VGLL3: variants seen among roughly 807,000 people sequenced by gnomAD.
VGLL3 encodes vestigial like family member 3, also known as transcription cofactor vestigial-like protein 3.
Under a neutral mutation model 29.2 loss-of-function variants are expected in VGLL3, and 18 were observed. The ratio of observed to expected loss-of-function variants is 0.62; its 90% CI spans 0.43 to 0.91. The LOEUF is 0.91. VGLL3 is among the 40% of genes least tolerant of loss of function. VGLL3 has a pLI of 0.00. For missense variants in VGLL3, 440 were observed against 413.2 expected (o/e 1.06, Z -0.56); for synonymous variants, 180 against 151.8 (o/e 1.19, Z -1.36).
At chr3:86,970,809 G>GC (rs531735380) in intron 2 of VGLL3, among the ~76,000 whole-genome samples, 3 of 152,130 alleles carry the variant, frequency 2.0e-5, no homozygotes, top group Non-Finnish European at 4.4e-5. Flanking sequence ...AGACCAAGGA[G>GC]CCCAGCTCTG....
chr3:86,962,306 G>A, intron 3 of VGLL3: 1 of 985,436 alleles, frequency 1.0e-6, no homozygotes, highest in Non-Finnish European at 1.2e-6. Context: ...GCAACACCAA[G>A]ACAGAGGTTA....
chr3:86,960,202 T>A (rs940282738), intron 3 of VGLL3, among the ~76,000 whole-genome samples: 4 of 152,146 alleles, frequency 2.6e-5, no homozygotes, highest in African/African-American at 9.7e-5. Context: ...TAAAATATAA[T>A]TTTTGTCACT....
intron 1 of VGLL3, among the ~76,000 whole-genome samples, chr3:86,986,754 C>T (rs1304446393): frequency 6.6e-6 from 1 of 152,150 alleles, no homozygotes; most frequent in African/African-American, 2.4e-5. Context: ...GCTAATACCA[C>T]TTCCTGTATT....
At chr3:86,988,623 C>A (rs1211455571) in intron 1 of VGLL3, among the ~76,000 whole-genome samples, 1 of 56,724 alleles carries the variant, frequency 1.8e-5, no homozygotes, top group African/African-American at 6.6e-5. Context: ...TATGGTCAAA[C>A]AGTTTCTTTA....
Position 86,968,940 on chromosome 3 carries a change from C to G in VGLL3, c.587G>C (p.Gly196Ala), listed in dbSNP as rs1206672174. The change falls in exon 3 of 4, where the codon GGC becomes GCC. Residue 196 changes from glycine (G) to alanine (A), a missense_variant. Physicochemically the swap from Gly to Ala is moderately conservative, Grantham distance 60 (BLOSUM62 0). Coordinates refer to ENST00000398399, the MANE Select transcript of VGLL3 (RefSeq NM_016206.4). ...PWPGHNLHQT[G>A]PAPPPAVSES... ...AGACACAGCAGGGGGAGGGGCTGGG[C>G]CAGTCTGATGCAGGTTGTGTCCCGG... 1.9e-6 allele frequency: 3 copies of G among 1,613,918 alleles called. No individual in the cohort carries two copies. The highest frequency in any genetic ancestry group is 1.7e-6 in the Non-Finnish European group (2 of 1,180,022).
At chr3:86,953,518 A>G (rs555300833) in intron 3 of VGLL3, among the ~76,000 whole-genome samples, 2 of 152,332 alleles carry the variant, frequency 1.3e-5, no homozygotes, top group African/African-American at 2.4e-5. Context: ...GCTGAATCCA[A>G]GCATATGAAC....
In VGLL3 at chr3:86,990,340, T is replaced by G. The variant is rs1026557399; in HGVS notation, c.126+278A>C. ...ATGCCCTTGGTGAGCTTCAGAGAAC[T>G]GAGTCCTAAGAGCTAGGGTGCCTAG... On this transcript the variant is annotated intron_variant, in intron 1 of 3. Coordinates refer to ENST00000398399, the MANE Select transcript of VGLL3 (RefSeq NM_016206.4). 7 of 985,324 alleles carry G rather than the reference T, an allele frequency of 7.1e-6. No homozygotes were observed. In the African/African-American group the frequency reaches 1.2e-4, roughly 17 times the overall value. 61.0% of individuals were successfully genotyped at this position (985,324 alleles called of 1,614,324 possible). A position where few individuals can be genotyped will look rare whatever the true frequency, so the allele number is the denominator to read the frequency against.
chr3:86,972,351 A>G (rs1705119402), intron 2 of VGLL3, among the ~76,000 whole-genome samples: 2 of 152,228 alleles, frequency 1.3e-5, no homozygotes, highest in Non-Finnish European at 2.9e-5. Context: ...CTTGAGATGA[A>G]TATAAAGTTT....
intron 1 of VGLL3, among the ~76,000 whole-genome samples, chr3:86,986,812 C>T (rs904104320): frequency 1.3e-5 from 2 of 152,026 alleles, no homozygotes; most frequent in African/African-American, 2.4e-5. Context: ...TATACTGTTT[C>T]ATCAACAAGG....
intron 2 of VGLL3, among the ~76,000 whole-genome samples, chr3:86,976,517 A>C (rs1434405014): frequency 6.6e-6 from 1 of 152,232 alleles, no homozygotes; most frequent in East Asian, 1.9e-4. Flanking sequence ...ATAAAACAGG[A>C]GACATATTTG....
At chr3:86,967,965 T>G (rs1704998997) in intron 3 of VGLL3, among the ~76,000 whole-genome samples, 1 of 152,000 alleles carries the variant, frequency 6.6e-6, no homozygotes, top group African/African-American at 2.4e-5. Flanking sequence ...TCTTGTATTA[T>G]TTAAATCAGA....
At position 86,943,485 on chromosome 3, in the gene VGLL3, C is replaced by A. The variant is rs566584068; in HGVS notation, c.*3539G>T. On this transcript the variant is annotated 3_prime_UTR_variant, in exon 4 of 4. Coordinates refer to ENST00000398399, the MANE Select transcript of VGLL3 (RefSeq NM_016206.4). ...TAACAAGCTTCTCAAAGGCAACTTT[C>A]ATGTCAGTGCTTAGAATTTGGGTTT... 1 of 152,024 alleles carries A rather than the reference C, an allele frequency of 6.6e-6. No individual in the cohort carries two copies. The highest frequency in any genetic ancestry group is 6.5e-5 in the Admixed American group (1 of 15,270). The allele number at this position is 152,024 out of a possible 1,614,324, so 9.4% of individuals were successfully genotyped here.
At chr3:86,968,566 G>A in intron 3 of VGLL3, 24 bp downstream of exon 3, 1 of 1,586,656 alleles carries the variant, frequency 6.3e-7, no homozygotes, top group Non-Finnish European at 8.6e-7. Flanking sequence ...CTTGTTATAG[G>A]AAGAAAGAAA....
chr3:86,978,376 T>C, intron 2 of VGLL3, 150 bp downstream of exon 2: 1 of 887,254 alleles, frequency 1.1e-6, no homozygotes, highest in Non-Finnish European at 1.7e-6. Context: ...CCGATCCAGC[T>C]GTTTGTCTGA....
At chr3:86,948,673 A>C (rs985539925) in intron 3 of VGLL3, among the ~76,000 whole-genome samples, 1 of 152,192 alleles carries the variant, frequency 6.6e-6, no homozygotes, top group Non-Finnish European at 1.5e-5. Context: ...GGAACAAACA[A>C]CACTTCCTGA....
chr3:86,989,660 T>C (rs1705536623), intron 1 of VGLL3, among the ~76,000 whole-genome samples: 1 of 152,016 alleles, frequency 6.6e-6, no homozygotes, highest in African/African-American at 2.4e-5. Context: ...CCAAATCTAG[T>C]TATTTTTTTT....
At chr3:86,962,540 A>T in intron 3 of VGLL3, 1 of 983,418 alleles carries the variant, frequency 1.0e-6, no homozygotes, top group African/African-American at 1.7e-5. Context: ...CAATTTAAAT[A>T]CTAAAAAAAA....
intron 3 of VGLL3, among the ~76,000 whole-genome samples, chr3:86,951,921 A>C (rs1704626271): frequency 6.6e-6 from 1 of 152,170 alleles, no homozygotes; most frequent in South Asian, 2.1e-4. Flanking sequence ...CAAATAGGCC[A>C]TGTTGAGTAG....
At chr3:86,983,379 T>C (rs1381004075) in intron 1 of VGLL3, among the ~76,000 whole-genome samples, 1 of 152,166 alleles carries the variant, frequency 6.6e-6, no homozygotes, top group Non-Finnish European at 1.5e-5. Flanking sequence ...CATATATATT[T>C]TTTTTCTTTT....
Sources: allele counts gnomAD v4.1 joint callset (sites outside exome capture counted in the v4.1 genomes callset), GRCh38; gene constraint gnomAD v4.1.1; transcripts MANE v1.5; gene names NCBI Gene and HGNC (gene_info 2026-07-23, HGNC 2026-07-21).